The following MACROD2 variants were observed in gnomAD, a reference collection of about 807,000 sequenced individuals.
The protein encoded by MACROD2 is mono-ADP ribosylhydrolase 2.
In MACROD2, 36 loss-of-function variants were observed where a neutral mutation model predicts 70.4. The observed-to-expected ratio is 0.51, with a 90% CI of 0.39 to 0.68. The LOEUF is 0.68. Among genes scored for constraint, MACROD2 ranks in the 30% least tolerant of loss-of-function variants. The pLI, the probability that MACROD2 is intolerant of heterozygous loss-of-function variation, is 0.00. For missense variants in MACROD2, 496 were observed against 538.4 expected, an observed-to-expected ratio of 0.92 and a Z score of 0.78; for synonymous variants, 172 against 178.8, an observed-to-expected ratio of 0.96 and a Z score of 0.30.
At chr20:14,954,924 T>C (rs1310179797) in intron 5 of MACROD2, among the ~76,000 whole-genome samples, 12 of 106,970 alleles carry the variant, frequency 1.1e-4, no homozygotes, top group African/African-American at 4.7e-4. Flanking sequence ...TAATTAAATA[T>C]ATTATATATT....
intron 5 of MACROD2, among the ~76,000 whole-genome samples, chr20:14,938,454 C>T (rs1435287559): frequency 6.6e-6 from 1 of 152,006 alleles, no homozygotes; most frequent in Admixed American, 6.6e-5. Context: ...TCATATTGAA[C>T]ATTTGAAAAG....
chr20:14,211,646 G>A (rs771804375), intron 3 of MACROD2, among the ~76,000 whole-genome samples: 17 of 152,156 alleles, frequency 1.1e-4, no homozygotes, highest in African/African-American at 2.4e-4. Context: ...AGCTCTGGCC[G>A]ATGGAAGTCA....
At chr20:14,966,395 GTGAGACTC>G (rs1391516419) in intron 5 of MACROD2, among the ~76,000 whole-genome samples, 1 of 152,124 alleles carries the variant, frequency 6.6e-6, no homozygotes, top group African/African-American at 2.4e-5. Flanking sequence ...GGACAGCATA[GTGAGACTC>G]CATTTCTACG....
chr20:15,972,454 A>G (rs570284362), intron 13 of MACROD2, among the ~76,000 whole-genome samples: 4 of 152,300 alleles, frequency 2.6e-5, no homozygotes, highest in African/African-American at 9.6e-5. Flanking sequence ...CACCAGCAAT[A>G]AAGAGAAAAA....
In MACROD2 at chr20:14,026,934, A is replaced by T. The variant is rs537703877; in HGVS notation, c.163+24530A>T. On this transcript the variant is annotated intron_variant, in intron 2 of 17. Coordinates refer to ENST00000684519, the MANE Select transcript of MACROD2 (RefSeq NM_001351661.2). ...AAGACAGCAGTGGATCTCCCAGCAC[A>T]GCGCTCACGCTCTGCTAAGGGACAG... Among the ~76,000 whole-genome samples, 732 of 152,332 alleles carry T rather than the reference A, an allele frequency of 4.8e-3. 4 individuals carry two copies. Among genetic ancestry groups the T allele is most frequent in the African/African-American group, 0.017 (701 of 41,586 alleles).
intron 3 of MACROD2, among the ~76,000 whole-genome samples, chr20:14,098,071 C>T (rs552238174): frequency 6.6e-5 from 10 of 152,190 alleles, no homozygotes; most frequent in South Asian, 6.2e-4. Context: ...AAATGATGGC[C>T]GTCTAAAGAG....
intron 5 of MACROD2, among the ~76,000 whole-genome samples, chr20:15,184,414 A>G (rs1456023315): frequency 1.3e-5 from 2 of 152,200 alleles, no homozygotes; most frequent in African/African-American, 4.8e-5. Flanking sequence ...GGTAGTTGCT[A>G]TAATAAACAA....
chr20:15,667,503 C>CTATG (rs2049917212), intron 8 of MACROD2, among the ~76,000 whole-genome samples: 4 of 133,600 alleles, frequency 3.0e-5, no homozygotes, highest in African/African-American at 5.3e-5. Flanking sequence ...ATCTATGTAT[C>CTATG]TATCTATCTA....
intron 8 of MACROD2, 58 bp downstream of exon 8, chr20:15,499,905 C>G (rs925347001): frequency 7.0e-7 from 1 of 1,427,166 alleles, no homozygotes; most frequent in Middle Eastern, 1.9e-4. Flanking sequence ...ATGCTCAGTT[C>G]CCCCCAAAAA....
At chr20:15,273,965 G>A (rs998505364) in intron 6 of MACROD2, among the ~76,000 whole-genome samples, 10 of 152,182 alleles carry the variant, frequency 6.6e-5, no homozygotes, top group African/African-American at 2.4e-4. Context: ...TGGTTTGTTA[G>A]CAAATAAGCA....
At chr20:14,742,835 C>G (rs887693161) in intron 5 of MACROD2, among the ~76,000 whole-genome samples, 8 of 151,022 alleles carry the variant, frequency 5.3e-5, no homozygotes, top group Non-Finnish European at 1.2e-4. Flanking sequence ...GACGGGATCT[C>G]GGCTCACTGC....
chr20:14,132,649 T>A (rs1307776712), intron 3 of MACROD2, among the ~76,000 whole-genome samples: 1 of 152,150 alleles, frequency 6.6e-6, no homozygotes, highest in African/African-American at 2.4e-5. Flanking sequence ...TTTCTTTCTT[T>A]TTTTTAGAGG....
chr20:14,896,019 G>A (rs1038621632), intron 5 of MACROD2, among the ~76,000 whole-genome samples: 12 of 152,152 alleles, frequency 7.9e-5, no homozygotes, highest in African/African-American at 1.9e-4. Context: ...GAAATAGGCC[G>A]GGTGCTGTGG....
chr20:14,962,970 G>A (rs551649977), intron 5 of MACROD2, among the ~76,000 whole-genome samples: 3 of 152,214 alleles, frequency 2.0e-5, no homozygotes, highest in South Asian at 2.1e-4. Flanking sequence ...AAGCCTGTTC[G>A]GAGATGATTA....
At chr20:14,807,669 C>T (rs1402648258) in intron 5 of MACROD2, among the ~76,000 whole-genome samples, 1 of 152,056 alleles carries the variant, frequency 6.6e-6, no homozygotes, top group Non-Finnish European at 1.5e-5. Context: ...TGTCCTAACC[C>T]AATGGAAGGA....
At chr20:14,569,641 T>G (rs1468107322) in intron 4 of MACROD2, among the ~76,000 whole-genome samples, 1 of 151,940 alleles carries the variant, frequency 6.6e-6, no homozygotes, top group Non-Finnish European at 1.5e-5. Context: ...TGACTGTTTC[T>G]GCCTCTGCTT....
In MACROD2 at chr20:14,013,025, G is replaced by A. The variant is rs1381221996; in HGVS notation, c.163+10621G>A. 2.0e-5 allele frequency among the ~76,000 whole-genome samples: 3 copies of A among 152,096 alleles called. No individual in the cohort carries two copies. In the East Asian group the frequency reaches 5.8e-4, roughly 29 times the overall value. ...TAAGTTTTGATAAATTTTCATTTTT[G>A]TAATAGATTTGGGTATATTTTATGG... On this transcript the variant is annotated intron_variant, in intron 2 of 17. Transcript: ENST00000684519.
intron 5 of MACROD2, among the ~76,000 whole-genome samples, chr20:14,771,023 G>A (rs2072158012): frequency 6.6e-6 from 1 of 152,074 alleles, no homozygotes; most frequent in South Asian, 2.1e-4. Flanking sequence ...GATGAGATTA[G>A]CATTGGAATC....
intron 10 of MACROD2, among the ~76,000 whole-genome samples, chr20:15,908,468 T>C (rs2065183072): frequency 1.3e-5 from 2 of 152,216 alleles, no homozygotes; most frequent in African/African-American, 4.8e-5. Flanking sequence ...TCTGCCCACA[T>C]CTTTTAAAAT....
Sources: gnomAD v4.1 joint callset for allele counts (sites outside exome capture counted in the v4.1 genomes callset) on GRCh38, gnomAD v4.1.1 for gene constraint, MANE v1.5 for transcripts, NCBI Gene and HGNC (gene_info 2026-07-23, HGNC 2026-07-21) for gene names.